Variants in PHF2 observed in about 807,000 individuals in gnomAD.
The protein encoded by PHF2 is PHD finger protein 2, also known as lysine-specific demethylase PHF2.
In PHF2, 27 loss-of-function variants were observed where a neutral mutation model predicts 120.5. The observed-to-expected ratio is 0.22, with a 90% CI of 0.17 to 0.31. The LOEUF (loss-of-function observed/expected upper bound fraction) is 0.31, where lower values mean the gene tolerates loss of function less well. Ranked by LOEUF, PHF2 falls within the 10% of genes least tolerant of loss-of-function variation. PHF2 has a pLI of 1.00. For synonymous variants in PHF2, 568 were observed against 592.5 expected (o/e 0.96, Z 0.60); for missense variants, 1,024 against 1,434.8 (o/e 0.71, Z 4.63).
intron 5 of PHF2, among the ~76,000 whole-genome samples, chr9:93,652,750 C>T (rs1402384460): frequency 1.3e-5 from 2 of 152,310 alleles, no homozygotes; most frequent in African/African-American, 4.8e-5. Context: ...ACCCTGTTGT[C>T]AGCTCTGGAG....
At chr9:93,594,337 G>A (rs959758073) in intron 1 of PHF2, among the ~76,000 whole-genome samples, 4 of 152,190 alleles carry the variant, frequency 2.6e-5, no homozygotes, top group Admixed American at 1.3e-4. Flanking sequence ...AAAGGGCCCC[G>A]CCCAGTCAGC....
rs1217796431 is a variant in PHF2 at position 93,676,967 on chromosome 9, C to T, written c.3202+4C>T. On this transcript the variant is annotated splice_donor_region_variant and intron_variant, in intron 21 of 21. Coordinates refer to ENST00000359246, the MANE Select transcript of PHF2 (RefSeq NM_005392.4). Reference sequence around the variant, plus strand: ...AACAACAACACCGCTGCCAAAGGTACTGTGCCTGCTGGAGGGAGCCTGCAG... The same window carrying T: ...AACAACAACACCGCTGCCAAAGGTATTGTGCCTGCTGGAGGGAGCCTGCAG... 4.6e-6 allele frequency: 7 copies of T among 1,531,460 alleles called. No homozygotes were observed. The highest frequency in any genetic ancestry group is 1.4e-5 in the African/African-American group (1 of 73,572). The allele number at this position is 1,531,460 out of a possible 1,614,324, so 94.9% of individuals were successfully genotyped here.
intron 4 of PHF2, among the ~76,000 whole-genome samples, chr9:93,647,327 A>G (rs1402612760): frequency 1.3e-5 from 2 of 152,048 alleles, no homozygotes; most frequent in African/African-American, 2.4e-5. Flanking sequence ...CCCTGGGCTC[A>G]CCTAATCATG....
At chr9:93,673,355 C>T (rs1388790911) in intron 17 of PHF2, among the ~76,000 whole-genome samples, 1 of 152,086 alleles carries the variant, frequency 6.6e-6, no homozygotes, top group Non-Finnish European at 1.5e-5. Context: ...AGGCCTCCAG[C>T]CCTCCCTGTG....
Position 93,654,473 on chromosome 9 carries a change from T to C in PHF2, c.850T>C (p.Trp284Arg). ...GGCCAACATCTCCCTGTATGAGCGC[T>C]GGCGGTCTGCCTCTAACCACAGCGA... ...ASANISLYER[W>R]RSASNHSEMF... The change falls in exon 7 of 22, where the codon TGG becomes CGG. Residue 284 changes from tryptophan to arginine, a missense_variant. Transcript: ENST00000359246. 6.2e-7 allele frequency: 1 copy of C among 1,614,076 alleles called. No homozygotes were observed. Among genetic ancestry groups the C allele is most frequent in the Non-Finnish European group, 8.5e-7 (1 of 1,180,028 alleles).
intron 1 of PHF2, among the ~76,000 whole-genome samples, chr9:93,579,737 A>C (rs1862898675): frequency 6.6e-6 from 1 of 152,228 alleles, no homozygotes; most frequent in Non-Finnish European, 1.5e-5. Flanking sequence ...TCTTCCAGCC[A>C]GCCCCGTTTT....
rs550646456 is a variant in PHF2, at chr9:93,611,864, A to G, written c.99-18106A>G. Among the ~76,000 whole-genome samples the G allele has an allele frequency of 1.3e-3, 203 of 152,322 alleles. 1 individual carries two copies. The highest frequency in any genetic ancestry group is 1.1e-3 in the Non-Finnish European group (75 of 68,034). On this transcript the variant is annotated intron_variant, in intron 1 of 21. Coordinates refer to ENST00000359246, the MANE Select transcript of PHF2 (RefSeq NM_005392.4). ...CCTTGATGGGTAGCAATATATATAC[A>G]TAGGAAAATATTCAATAATAAAAAA...
At chr9:93,617,329 A>G (rs937647212) in intron 1 of PHF2, among the ~76,000 whole-genome samples, 1 of 152,182 alleles carries the variant, frequency 6.6e-6, no homozygotes, top group Non-Finnish European at 1.5e-5. Flanking sequence ...TGAGAAAGCC[A>G]CTGTGTCCTG....
chr9:93,576,730 G>C lies in PHF2; in HGVS notation c.-44G>C. The C allele has an allele frequency of 3.0e-6, 3 of 1,012,792 alleles. No individual in the cohort carries two copies. The highest frequency in any genetic ancestry group is 3.7e-6 in the Non-Finnish European group (3 of 811,268). The allele number at this position is 1,012,792 out of a possible 1,614,324, so 62.7% of individuals were successfully genotyped here. A position where few individuals can be genotyped will look rare whatever the true frequency, so the allele number is the denominator to read the frequency against. ...CCCCCGGCCCGGCCCGGACCGACCC[G>C]GGCAGCGCAGCGGCGGGGCCGAGCG... On this transcript the variant is annotated 5_prime_UTR_variant, in exon 1 of 22. Transcript: ENST00000359246.
intron 1 of PHF2, among the ~76,000 whole-genome samples, chr9:93,587,807 A>T (rs1863084516): frequency 6.6e-6 from 1 of 152,114 alleles, no homozygotes; most frequent in Non-Finnish European, 1.5e-5. Flanking sequence ...CTGTGTAGCC[A>T]GCCCTCTGGT....
chr9:93,641,063 A>G (rs1301804038), intron 3 of PHF2, among the ~76,000 whole-genome samples: 1 of 152,204 alleles, frequency 6.6e-6, no homozygotes, highest in South Asian at 2.1e-4. Flanking sequence ...GAAGTGTTCT[A>G]TAATTTCAGG....
chr9:93,639,255 T>C (rs1826138873), intron 3 of PHF2, among the ~76,000 whole-genome samples: 1 of 152,236 alleles, frequency 6.6e-6, no homozygotes, highest in Non-Finnish European at 1.5e-5. Context: ...TTTCAAGAAT[T>C]ATTTATAGTT....
At chr9:93,657,023 C>T (rs1826473720) in intron 9 of PHF2, among the ~76,000 whole-genome samples, 1 of 152,082 alleles carries the variant, frequency 6.6e-6, no homozygotes, top group South Asian at 2.1e-4. Context: ...GTGAGGCAGG[C>T]TTGTGGCTCG....
At chr9:93,616,714 G>T (rs1825735359) in intron 1 of PHF2, among the ~76,000 whole-genome samples, 2 of 151,468 alleles carry the variant, frequency 1.3e-5, no homozygotes, top group Admixed American at 1.3e-4. Flanking sequence ...GGAGTGCAAT[G>T]GCTCAATCTC....
chr9:93,648,984 GA>G (rs1826309599), intron 4 of PHF2, 86 bp from the exon 5 acceptor site: 1 of 1,459,440 alleles, frequency 6.9e-7, no homozygotes, highest in Admixed American at 2.0e-5. Flanking sequence ...GGGCAGCCAA[GA>G]GTGTGTGTCC....
intron 1 of PHF2, among the ~76,000 whole-genome samples, chr9:93,626,169 G>C (rs750038528): frequency 1.3e-4 from 20 of 152,274 alleles, no homozygotes; most frequent in Non-Finnish European, 2.8e-4. Context: ...CTTGAATCTG[G>C]GAGGCAGAGG....
At chr9:93,619,818 C>T (rs7033146) in intron 1 of PHF2, among the ~76,000 whole-genome samples, 62,631 of 151,938 alleles carry the variant, frequency 0.41, 13,769 homozygotes, top group South Asian at 0.74. Context: ...GGAAAGGGGC[C>T]GGCCAACTTT....
chr9:93,606,408 G>T (rs1318401616), intron 1 of PHF2, among the ~76,000 whole-genome samples: 1 of 152,136 alleles, frequency 6.6e-6, no homozygotes, highest in Admixed American at 6.5e-5. Context: ...CTGGATTTTG[G>T]CCTTACATAA....
chr9:93,588,752 G>A (rs1158379288), intron 1 of PHF2, among the ~76,000 whole-genome samples: 4 of 152,140 alleles, frequency 2.6e-5, no homozygotes, highest in Admixed American at 6.5e-5. Context: ...TTAGCTGAGC[G>A]TGTTGGTGGG....
Sources: gnomAD v4.1 joint callset for allele counts (sites outside exome capture counted in the v4.1 genomes callset) on GRCh38, gnomAD v4.1.1 for gene constraint, MANE v1.5 for transcripts, NCBI Gene and HGNC (gene_info 2026-07-23, HGNC 2026-07-21) for gene names.